The following LDAF1 variants were observed in gnomAD, a reference collection of about 807,000 sequenced individuals.
The protein encoded by LDAF1 is lipid droplet assembly factor 1.
A neutral mutation model predicts 13.5 loss-of-function variants in LDAF1; 7 were observed. That is an observed-to-expected ratio of 0.52 (90% confidence interval 0.29 to 0.97). The LOEUF (loss-of-function observed/expected upper bound fraction) is 0.97, where lower values mean the gene tolerates loss of function less well. LDAF1 is among the 50% of genes least tolerant of loss of function. The pLI is 0.07. For synonymous variants in LDAF1, 69 were observed against 77.1 expected, an observed-to-expected ratio of 0.89 and a Z score of 0.55; for missense variants, 148 against 193.2, an observed-to-expected ratio of 0.77 and a Z score of 1.39.
At chr16:21,173,837 AC>A (rs1283558962) in intron 3 of LDAF1, among the ~76,000 whole-genome samples, 172 bp from the exon 4 acceptor site, 2 of 152,164 alleles carry the variant, frequency 1.3e-5, no homozygotes, top group Non-Finnish European at 2.9e-5. Context: ...CCACTCAGGT[AC>A]CCATATCGCC....
In LDAF1 at chr16:21,170,344, T is replaced by A. The variant is rs2093074701; in HGVS notation, c.97-93T>A. 2.0e-5 allele frequency: 31 copies of A among 1,576,622 alleles called. 1 individual carries two copies. The South Asian group carries it at 3.3e-4, about 17-fold the overall frequency. On this transcript the variant is annotated intron_variant, in intron 2 of 4. Transcript: ENST00000233047. Reference sequence around the variant, plus strand: ...TGCATAAGCCTTCTGGCTTTACGACTTCTGCCTTGTAATTCCCACAGCTTG... The same window carrying A: ...TGCATAAGCCTTCTGGCTTTACGACATCTGCCTTGTAATTCCCACAGCTTG...
At chr16:21,165,825 C>A (rs1325868271) in intron 2 of LDAF1, among the ~76,000 whole-genome samples, 1 of 126,440 alleles carries the variant, frequency 7.9e-6, no homozygotes, top group African/African-American at 3.0e-5. Flanking sequence ...TTAATAATTA[C>A]ATTAAAAACA....
intron 3 of LDAF1, among the ~76,000 whole-genome samples, chr16:21,173,104 T>C (rs1481518777): frequency 2.6e-5 from 4 of 152,156 alleles, no homozygotes; most frequent in Admixed American, 1.3e-4. Flanking sequence ...GTGGGAATGG[T>C]ATATTAAAAT....
At chr16:21,167,696 G>GTTTTTTTTTGTTTTT (rs1555584378) in intron 2 of LDAF1, among the ~76,000 whole-genome samples, 3 of 89,092 alleles carry the variant, frequency 3.4e-5, no homozygotes, top group Non-Finnish European at 6.0e-5. Flanking sequence ...CCTTAGGTTT[G>GTTTTTTTTTGTTTTT]TTTTTTTTTT....
rs147918937 is a variant in LDAF1 at position 21,161,361 on chromosome 16, G to A, written c.96+83G>A. On this transcript the variant is annotated intron_variant, in intron 2 of 4. Transcript: ENST00000233047. ...AGATAGAAAGTTATTTCTTTCTCCA[G>A]TAGAAGGAATTTGGAGGTAAGTCAA... 1.7e-4 allele frequency: 249 copies of A among 1,493,382 alleles called. No homozygotes were observed. The African/African-American group carries it at 3.2e-3, about 19-fold the overall frequency. The allele number at this position is 1,493,382 out of a possible 1,614,324, so 92.5% of individuals were successfully genotyped here.
At chr16:21,166,849 C>A in intron 2 of LDAF1, 1 of 1,535,730 alleles carries the variant, frequency 6.5e-7, no homozygotes, top group Non-Finnish European at 8.7e-7. Context: ...GCTGCCCCAA[C>A]ACAGCAGGAT....
chr16:21,171,845 C>T (rs1238864741), intron 3 of LDAF1, among the ~76,000 whole-genome samples: 1 of 151,880 alleles, frequency 6.6e-6, no homozygotes, highest in East Asian at 2.0e-4. Flanking sequence ...TCAAGAAATT[C>T]TCCTGCCTCA....
intron 2 of LDAF1, among the ~76,000 whole-genome samples, chr16:21,161,970 G>A (rs1428757765): frequency 6.6e-6 from 1 of 151,902 alleles, no homozygotes; most frequent in Non-Finnish European, 1.5e-5. Context: ...TCAGCCTGGC[G>A]AACATGGTAA....
At chr16:21,164,461 G>T (rs536074221) in intron 2 of LDAF1, among the ~76,000 whole-genome samples, 2 of 152,236 alleles carry the variant, frequency 1.3e-5, no homozygotes, top group African/African-American at 2.4e-5. Context: ...GTGTTGCCCA[G>T]GCTGGTCTCA....
At chr16:21,174,171 A>T (rs1373385216) in intron 4 of LDAF1, 23 bp downstream of exon 4, 5 of 1,587,598 alleles carry the variant, frequency 3.1e-6, no homozygotes, top group Non-Finnish European at 4.3e-6. Flanking sequence ...CCATGAAATA[A>T]TTTATTTTTT....
chr16:21,176,148 G>T (rs1364527288), intron 4 of LDAF1, among the ~76,000 whole-genome samples: 1 of 152,150 alleles, frequency 6.6e-6, no homozygotes. Context: ...TGCTGTAACA[G>T]GGTGAGTTCT....
chr16:21,175,125 G>A (rs1023246158), intron 4 of LDAF1, among the ~76,000 whole-genome samples: 59 of 152,326 alleles, frequency 3.9e-4, no homozygotes, highest in African/African-American at 1.3e-3. Context: ...TTTCAAAGGA[G>A]ATTTATTTTA....
At position 21,161,138 on chromosome 16, in the gene LDAF1, C is replaced by G. The variant is rs1483187140; in HGVS notation, c.-45C>G. 3 of 1,607,592 alleles carry G rather than the reference C, an allele frequency of 1.9e-6. No homozygotes were observed. The highest frequency in any genetic ancestry group is 2.2e-5 in the South Asian group (2 of 89,994). The stretch of plus-strand genomic sequence containing the variant: ...ACCGCGGGCTGCACTGGAGAATTTA[C>G]TGGTAGGATAATTCATCCCTAAAGA... On this transcript the variant is annotated 5_prime_UTR_variant, in exon 2 of 5. Coordinates refer to ENST00000233047, the MANE Select transcript of LDAF1 (RefSeq NM_001301771.2).
chr16:21,175,871 T>G (rs965379541), intron 4 of LDAF1, among the ~76,000 whole-genome samples: 6 of 152,206 alleles, frequency 3.9e-5, no homozygotes, highest in Non-Finnish European at 8.8e-5. Context: ...TAATCACCTT[T>G]TCAAAAATCG....
chr16:21,166,886 CCA>C, intron 2 of LDAF1: 1 of 1,535,732 alleles, frequency 6.5e-7, no homozygotes, highest in Non-Finnish European at 8.7e-7. Context: ...GATGGAGTGT[CCA>C]GGCTGGGCAG....
chr16:21,178,293 A>C (rs2093156976), intron 4 of LDAF1: 1 of 985,238 alleles, frequency 1.0e-6, no homozygotes, highest in Non-Finnish European at 1.2e-6. Flanking sequence ...TTGCAGAGCC[A>C]CCAAACTCAC....
At chr16:21,173,773 T>TG (rs1316404532) in intron 3 of LDAF1, among the ~76,000 whole-genome samples, 3 of 151,740 alleles carry the variant, frequency 2.0e-5, no homozygotes, top group African/African-American at 7.2e-5. Flanking sequence ...GTTTGGGAAT[T>TG]GGGGGGACTG....
At position 21,174,098 on chromosome 16, in the gene LDAF1, A is replaced by G. The variant is rs2093116999; in HGVS notation, c.354A>G (p.Ile118Met). Residue 118 changes from isoleucine to methionine, a missense_variant, in exon 4 of 5, where the codon ATA becomes ATG. Physicochemically the swap from Ile to Met is conservative, Grantham distance 10 (BLOSUM62 1). Transcript: ENST00000233047. ...FVSLAMSGMMIASYVVVSSLI... is the reference protein window; with the variant it reads ...FVSLAMSGMMMASYVVVSSLI... ...CACTCGCCATGTCGGGGATGATGAT[A>G]GCATCTTATGTAGTGGTCTCCAGCC... 6.2e-7 allele frequency: 1 copy of G among 1,614,066 alleles called. No homozygotes were observed. The highest frequency in any genetic ancestry group is 8.5e-7 in the Non-Finnish European group (1 of 1,179,984).
At chr16:21,166,196 C>A (rs2093022557) in intron 2 of LDAF1, among the ~76,000 whole-genome samples, 1 of 152,086 alleles carries the variant, frequency 6.6e-6, no homozygotes, top group African/African-American at 2.4e-5. Context: ...CTCAATTTAA[C>A]ACAATATATC....
Sources: gnomAD v4.1 joint callset for allele counts (sites outside exome capture counted in the v4.1 genomes callset) on GRCh38, gnomAD v4.1.1 for gene constraint, MANE v1.5 for transcripts, NCBI Gene and HGNC (gene_info 2026-07-23, HGNC 2026-07-21) for gene names.